The following FBXL17 variants were observed in gnomAD, a reference collection of about 807,000 sequenced individuals.
The protein encoded by FBXL17 is F-box and leucine rich repeat protein 17.
A neutral mutation model predicts 66.2 loss-of-function variants in FBXL17; 22 were observed. That is an observed-to-expected ratio of 0.33 (90% CI 0.24 to 0.47). The LOEUF (loss-of-function observed/expected upper bound fraction) is 0.47. Among genes scored for constraint, FBXL17 ranks in the 20% least tolerant of loss-of-function variants. The pLI is 1.00. For synonymous variants in FBXL17, 474 were observed against 400.5 expected, an observed-to-expected ratio of 1.18 and a Z score of -2.19; for missense variants, 878 against 948.2, an observed-to-expected ratio of 0.93 and a Z score of 0.97.
chr5:108,324,779 C>T (rs1198295303), intron 4 of FBXL17, among the ~76,000 whole-genome samples: 2 of 151,696 alleles, frequency 1.3e-5, no homozygotes, highest in Non-Finnish European at 2.9e-5. Flanking sequence ...CACACATACA[C>T]AATGTAATAT....
intron 6 of FBXL17, among the ~76,000 whole-genome samples, chr5:108,142,307 T>C (rs577563287): frequency 5.6e-4 from 86 of 152,340 alleles, no homozygotes; most frequent in African/African-American, 2.0e-3. Context: ...TTTTTGCAAA[T>C]AGTAATTTTT....
At chr5:108,235,486 T>C (rs1260073052) in intron 4 of FBXL17, among the ~76,000 whole-genome samples, 2 of 152,194 alleles carry the variant, frequency 1.3e-5, no homozygotes, top group African/African-American at 4.8e-5. Flanking sequence ...TCCGGGATAT[T>C]TGGAATAACC....
chr5:107,919,359 T>A (rs776938380), intron 7 of FBXL17, among the ~76,000 whole-genome samples: 46 of 152,292 alleles, frequency 3.0e-4, no homozygotes, highest in Middle Eastern at 3.4e-3. Context: ...CCTGGATTAC[T>A]GATGGATCGC....
intron 7 of FBXL17, among the ~76,000 whole-genome samples, chr5:107,903,177 C>A (rs754003294): frequency 1.3e-5 from 2 of 152,100 alleles, no homozygotes; most frequent in Non-Finnish European, 2.9e-5. Flanking sequence ...ATTTTACAGA[C>A]CTTACAACAG....
intron 5 of FBXL17, among the ~76,000 whole-genome samples, chr5:108,198,566 A>G (rs1346360430): frequency 2.6e-5 from 4 of 152,180 alleles, no homozygotes; most frequent in Admixed American, 6.5e-5. Flanking sequence ...AGGTGAGAAA[A>G]ATCTTAGAAG....
intron 3 of FBXL17, among the ~76,000 whole-genome samples, chr5:108,351,915 A>T (rs12521975): frequency 0.28 from 42,552 of 152,240 alleles, 6,535 homozygotes; most frequent in Middle Eastern, 0.37. Context: ...CACGTAAATC[A>T]CAGCGCCGCA....
chr5:107,966,447 G>A (rs1272057498), intron 7 of FBXL17, among the ~76,000 whole-genome samples: 1 of 152,096 alleles, frequency 6.6e-6, no homozygotes, highest in Non-Finnish European at 1.5e-5. Context: ...TCCAGTGACA[G>A]AGAATGTTTC....
At chr5:108,134,702 A>T (rs1007083427) in intron 6 of FBXL17, among the ~76,000 whole-genome samples, 10 of 152,298 alleles carry the variant, frequency 6.6e-5, no homozygotes, top group African/African-American at 2.4e-4. Context: ...TTTGAAAACC[A>T]TATGTATGTG....
intron 7 of FBXL17, among the ~76,000 whole-genome samples, chr5:107,898,503 T>A (rs1001759248): frequency 6.6e-6 from 1 of 152,152 alleles, no homozygotes; most frequent in Non-Finnish European, 1.5e-5. Flanking sequence ...GTTATTAACA[T>A]TTTTTATTAT....
chr5:108,268,088 T>C (rs1044186324), intron 4 of FBXL17, among the ~76,000 whole-genome samples: 1 of 151,580 alleles, frequency 6.6e-6, no homozygotes, highest in Non-Finnish European at 1.5e-5. Flanking sequence ...AGTATAGTAA[T>C]AAGAAAGAAA....
chr5:108,261,983 T>C (rs193033931), intron 4 of FBXL17, among the ~76,000 whole-genome samples: 2 of 151,334 alleles, frequency 1.3e-5, no homozygotes, highest in East Asian at 3.9e-4. Flanking sequence ...AGGGATGAGA[T>C]GGGGAGATGG....
At chr5:108,340,359 T>C (rs1746800293) in intron 4 of FBXL17, among the ~76,000 whole-genome samples, 3 of 149,596 alleles carry the variant, frequency 2.0e-5, no homozygotes. Flanking sequence ...GAGACCAGCC[T>C]GGGCAATATA....
intron 6 of FBXL17, among the ~76,000 whole-genome samples, chr5:108,075,731 C>A (rs1748519906): frequency 6.6e-6 from 1 of 152,160 alleles, no homozygotes. Flanking sequence ...CCCGCCTCGG[C>A]CTCCCAAAGT....
intron 5 of FBXL17, among the ~76,000 whole-genome samples, chr5:108,189,287 A>AGGATG (rs5870302): frequency 0.066 from 7,362 of 112,006 alleles, 281 homozygotes; most frequent in Non-Finnish European, 0.085. Flanking sequence ...AAGAATTCAT[A>AGGATG]GGATGGGATG....
chr5:108,180,257 C>A (rs1311282259), intron 6 of FBXL17, among the ~76,000 whole-genome samples: 1 of 152,030 alleles, frequency 6.6e-6, no homozygotes, highest in Non-Finnish European at 1.5e-5. Flanking sequence ...ACACCTGTAA[C>A]CCCAGCACTT....
chr5:108,244,991 G>A (rs1295357131), intron 4 of FBXL17, among the ~76,000 whole-genome samples: 1 of 152,010 alleles, frequency 6.6e-6, no homozygotes, highest in East Asian at 1.9e-4. Flanking sequence ...CTCAAAATTA[G>A]GCTTTGTAAT....
intron 7 of FBXL17, among the ~76,000 whole-genome samples, chr5:107,943,381 G>C (rs187882579): frequency 3.9e-5 from 6 of 152,120 alleles, no homozygotes; most frequent in African/African-American, 1.4e-4. Context: ...TACCACCTTA[G>C]TTGAAGCCAT....
At chr5:108,224,274 G>A (rs1295811173) in intron 4 of FBXL17, 46 bp from the exon 5 acceptor site, 1 of 1,138,622 alleles carries the variant, frequency 8.8e-7, no homozygotes, top group South Asian at 1.4e-5. Context: ...ATAGTCCAGT[G>A]AACTCAAGGA....
chr5:108,294,757 AAAC>A (rs779345460), intron 4 of FBXL17, among the ~76,000 whole-genome samples: 1 of 152,102 alleles, frequency 6.6e-6, no homozygotes, highest in Non-Finnish European at 1.5e-5. Context: ...ACAAATATAA[AAAC>A]AAGTTAAAAA....
Sources: gnomAD v4.1 joint callset for allele counts (sites outside exome capture counted in the v4.1 genomes callset) on GRCh38, gnomAD v4.1.1 for gene constraint, MANE v1.5 for transcripts, NCBI Gene and HGNC (gene_info 2026-07-23, HGNC 2026-07-21) for gene names.